The following DPP8 variants were observed in gnomAD, a reference collection of about 807,000 sequenced individuals.
DPP8 encodes DPP VIII.
Under a neutral mutation model 107.5 loss-of-function variants are expected in DPP8, and 31 were observed. The observed-to-expected ratio is 0.29, with a 90% CI of 0.22 to 0.39. DPP8 has a LOEUF of 0.39. DPP8 is among the 10% of genes least tolerant of loss of function. DPP8 has a pLI of 1.00. For synonymous variants in DPP8, 381 were observed against 356.6 expected, an observed-to-expected ratio of 1.07 and a Z score of -0.77; for missense variants, 842 against 1,076.1, an observed-to-expected ratio of 0.78 and a Z score of 3.04.
intron 12 of DPP8, among the ~76,000 whole-genome samples, chr15:65,468,710 T>C (rs1567177071): frequency 6.6e-6 from 1 of 152,092 alleles, no homozygotes; most frequent in African/African-American, 2.4e-5. Flanking sequence ...GAAACAAATA[T>C]TCATGAAACT....
chr15:65,481,576 C>T lies in DPP8; in HGVS notation c.1057G>A (p.Glu353Lys). ...TATTCAACTCCTTCAAATAGAATCT[C>T]AAAAGGTTGAATTAGTTCCTTATCT... Reference protein sequence around the residue: ...VIDKELIQPFEILFEGVEYIA... With the variant: ...VIDKELIQPFKILFEGVEYIA... Residue 353 changes from glutamate (E) to lysine (K), a missense_variant, in exon 9 of 20, where the codon GAG (glutamate) becomes AAG (lysine). By Grantham distance (56) the Glu-to-Lys change is moderately conservative (BLOSUM62 1). Transcript: ENST00000300141. 2 of 1,588,672 alleles carry T rather than the reference C, an allele frequency of 1.3e-6. No homozygotes were observed. Among genetic ancestry groups the T allele is most frequent in the South Asian group, 2.3e-5 (2 of 86,540 alleles).
At chr15:65,482,020 G>C (rs1470991617) in intron 8 of DPP8, among the ~76,000 whole-genome samples, 1 of 149,490 alleles carries the variant, frequency 6.7e-6, no homozygotes, top group Non-Finnish European at 1.5e-5. Context: ...ACATATATAT[G>C]TGTGTGTGTG....
intron 9 of DPP8, among the ~76,000 whole-genome samples, 153 bp from the exon 10 acceptor site, chr15:65,480,552 A>C (rs2066829131): frequency 6.6e-6 from 1 of 152,256 alleles, no homozygotes; most frequent in African/African-American, 2.4e-5. Flanking sequence ...ACAAATAGTT[A>C]ATTAAAAATA....
At chr15:65,448,690 A>ATATATATAT (rs1491284648) in intron 19 of DPP8, among the ~76,000 whole-genome samples, 1 of 112,112 alleles carries the variant, frequency 8.9e-6, no homozygotes, top group African/African-American at 3.6e-5. Flanking sequence ...AAAAAAAAAA[A>ATATATATAT]ATATATATAT....
Position 65,445,035 on chromosome 15 carries a change from A to G in DPP8, c.*1849T>C, listed in dbSNP as rs959595059. ...AAATCTTGGCATGGGAAAATATCAA[A>G]CATGAAAAGCAATACATATACAGAT... On this transcript the variant is annotated 3_prime_UTR_variant, in exon 20 of 20. Coordinates refer to ENST00000300141, the MANE Select transcript of DPP8 (RefSeq NM_130434.5). 2.6e-5 allele frequency: 4 copies of G among 152,220 alleles called. No homozygotes were observed. The highest frequency in any genetic ancestry group is 9.6e-5 in the African/African-American group (4 of 41,458). 9.4% of individuals were successfully genotyped at this position (152,220 alleles called of 1,614,324 possible).
intron 1 of DPP8, among the ~76,000 whole-genome samples, chr15:65,513,453 C>T (rs1328013131): frequency 6.6e-6 from 1 of 152,126 alleles, no homozygotes; most frequent in East Asian, 1.9e-4. Flanking sequence ...ACCTTGTGAT[C>T]CACCCGCCTC....
intron 1 of DPP8, chr15:65,515,621 T>G: frequency 6.2e-7 from 1 of 1,601,392 alleles, no homozygotes; most frequent in East Asian, 2.2e-5. Flanking sequence ...CTGCCCCACC[T>G]ACCTCGTCAC....
chr15:65,511,681 T>G (rs969518088), intron 2 of DPP8, among the ~76,000 whole-genome samples: 1 of 148,684 alleles, frequency 6.7e-6, no homozygotes, highest in Non-Finnish European at 1.5e-5. Flanking sequence ...CATGAACTCA[T>G]GCAGACATCT....
chr15:65,513,244 C>T (rs1393622155), intron 1 of DPP8, among the ~76,000 whole-genome samples: 6 of 149,690 alleles, frequency 4.0e-5, no homozygotes, highest in African/African-American at 4.9e-5. Context: ...GACGGAGTCT[C>T]GCTCTGTTAC....
chr15:65,498,550 T>A (rs1437256093), intron 4 of DPP8, among the ~76,000 whole-genome samples: 1 of 151,970 alleles, frequency 6.6e-6, no homozygotes, highest in Non-Finnish European at 1.5e-5. Context: ...GGAGAGGACA[T>A]AAAGGACATA....
At chr15:65,485,456 A>C (rs949987880) in intron 7 of DPP8, among the ~76,000 whole-genome samples, 3 of 150,646 alleles carry the variant, frequency 2.0e-5, no homozygotes, top group African/African-American at 7.3e-5. Context: ...AGGCAGGAGA[A>C]TCACTTGAAC....
chr15:65,478,042 T>C (rs941905818), intron 11 of DPP8, among the ~76,000 whole-genome samples: 3 of 152,170 alleles, frequency 2.0e-5, no homozygotes, highest in African/African-American at 7.2e-5. Flanking sequence ...CATTCCGTAT[T>C]ATATTTTCCA....
intron 17 of DPP8, among the ~76,000 whole-genome samples, chr15:65,452,839 G>A (rs2064090290): frequency 6.6e-6 from 1 of 151,998 alleles, no homozygotes; most frequent in Non-Finnish European, 1.5e-5. Flanking sequence ...GGGAATAGTG[G>A]TGGGCGCCTT....
intron 14 of DPP8, among the ~76,000 whole-genome samples, chr15:65,464,292 G>C (rs956125172): frequency 6.6e-6 from 1 of 152,148 alleles, no homozygotes; most frequent in Admixed American, 6.5e-5. Context: ...GAACCCGGGA[G>C]GTGGAGCTTG....
intron 15 of DPP8, among the ~76,000 whole-genome samples, chr15:65,460,866 A>T (rs1351815729): frequency 6.6e-6 from 1 of 152,188 alleles, no homozygotes; most frequent in South Asian, 2.1e-4. Context: ...TCTGGCTCAT[A>T]TAGTAATTCT....
chr15:65,481,665 T>C (rs775126072), intron 8 of DPP8, 50 bp from the exon 9 acceptor site: 1 of 1,090,236 alleles, frequency 9.2e-7, no homozygotes, highest in Non-Finnish European at 1.3e-6. Context: ...TTTAGATAAA[T>C]AATTAGCTTG....
At chr15:65,475,934 G>A (rs1409681524) in intron 11 of DPP8, among the ~76,000 whole-genome samples, 1 of 151,756 alleles carries the variant, frequency 6.6e-6, no homozygotes, top group East Asian at 1.9e-4. Flanking sequence ...TGTCTTTTTT[G>A]TAGAGATGGG....
At chr15:65,494,802 TTTAAC>T (rs781206404) in intron 5 of DPP8, among the ~76,000 whole-genome samples, 10 of 152,074 alleles carry the variant, frequency 6.6e-5, no homozygotes, top group South Asian at 2.1e-4. Flanking sequence ...AATCTATACT[TTTAAC>T]TTAAGATTTT....
intron 12 of DPP8, among the ~76,000 whole-genome samples, chr15:65,473,472 A>G (rs1480725525): frequency 6.6e-6 from 1 of 152,158 alleles, no homozygotes; most frequent in East Asian, 1.9e-4. Context: ...GTTTGAGACC[A>G]GCCCAGACAA....
Sources: allele counts gnomAD v4.1 joint callset (sites outside exome capture counted in the v4.1 genomes callset), GRCh38; gene constraint gnomAD v4.1.1; transcripts MANE v1.5; gene names NCBI Gene and HGNC (gene_info 2026-07-23, HGNC 2026-07-21).